The following PIK3R4 variants were observed in gnomAD, a reference collection of about 807,000 sequenced individuals.
PIK3R4 encodes phosphoinositide-3-kinase regulatory subunit 4.
In PIK3R4, 46 loss-of-function variants were observed where a neutral mutation model predicts 136.5. The ratio of observed to expected loss-of-function variants is 0.34; its 90% confidence interval spans 0.27 to 0.43. The LOEUF (loss-of-function observed/expected upper bound fraction) is 0.43, where lower values mean the gene tolerates loss of function less well. PIK3R4 is among the 20% of genes least tolerant of loss of function. PIK3R4 has a pLI of 1.00. For synonymous variants in PIK3R4, 557 were observed against 566.7 expected, an observed-to-expected ratio of 0.98 and a Z score of 0.24; for missense variants, 1,331 against 1,649.5, an observed-to-expected ratio of 0.81 and a Z score of 3.35.
At chr3:130,692,112 T>A (rs554663332) in intron 13 of PIK3R4, among the ~76,000 whole-genome samples, 1 of 151,992 alleles carries the variant, frequency 6.6e-6, no homozygotes, top group Non-Finnish European at 1.5e-5. Flanking sequence ...CCCAACCTAG[T>A]GATCCGCCTG....
intron 2 of PIK3R4, among the ~76,000 whole-genome samples, chr3:130,743,333 A>G (rs543875111): frequency 1.9e-4 from 29 of 152,240 alleles, no homozygotes; most frequent in African/African-American, 6.5e-4. Flanking sequence ...AGGCAAGAGG[A>G]TCATTGGAGT....
chr3:130,705,923 T>G (rs1267167048), intron 11 of PIK3R4, 152 bp from the exon 12 acceptor site: 1 of 510,736 alleles, frequency 2.0e-6, no homozygotes, highest in African/African-American at 2.0e-5. Context: ...AATTACATTT[T>G]TTAGTGAAAA....
At chr3:130,698,921 A>G (rs149216034) in intron 13 of PIK3R4, among the ~76,000 whole-genome samples, 1 of 152,326 alleles carries the variant, frequency 6.6e-6, no homozygotes, top group East Asian at 1.9e-4. Context: ...ATTTCTTTCA[A>G]TGCCTTGAAC....
intron 13 of PIK3R4, among the ~76,000 whole-genome samples, chr3:130,697,365 G>A (rs146804405): frequency 1.1e-4 from 17 of 152,218 alleles, no homozygotes; most frequent in African/African-American, 3.1e-4. Flanking sequence ...GAGCCACTGC[G>A]CATGGCCTAG....
At chr3:130,686,791 A>G (rs1424000650) in intron 14 of PIK3R4, among the ~76,000 whole-genome samples, 1 of 152,238 alleles carries the variant, frequency 6.6e-6, no homozygotes, top group African/African-American at 2.4e-5. Context: ...CCAGGATAAT[A>G]CAGGGCAATA....
In PIK3R4 at chr3:130,705,643, T is replaced by C. The variant is rs2066602501; in HGVS notation, c.2850A>G (p.Gln950=). ...CKTELQQLIQ[Q]KREQCNAERI... ...TCTCAGCATTGCACTGCTCCCGCTTTTGCTGGATGAGTTGCTGAAGTTCAG... is the reference window on the plus strand; with the variant it reads ...TCTCAGCATTGCACTGCTCCCGCTTCTGCTGGATGAGTTGCTGAAGTTCAG... The change falls in exon 12 of 20, where the codon CAA becomes CAG. Residue 950 remains glutamine, a synonymous_variant. Coordinates refer to ENST00000356763, the MANE Select transcript of PIK3R4 (RefSeq NM_014602.3). The C allele has an allele frequency of 2.5e-6, 4 of 1,613,702 alleles. No homozygotes were observed. Among genetic ancestry groups the C allele is most frequent in the Admixed American group, 3.3e-5 (2 of 59,996 alleles).
At chr3:130,718,079 C>G (rs1032521594) in intron 8 of PIK3R4, among the ~76,000 whole-genome samples, 14 of 152,102 alleles carry the variant, frequency 9.2e-5, no homozygotes, top group African/African-American at 2.9e-4. Flanking sequence ...AGAGGGCCAT[C>G]AATATACATT....
intron 2 of PIK3R4, among the ~76,000 whole-genome samples, chr3:130,739,201 C>T (rs143561226): frequency 2.0e-5 from 3 of 152,292 alleles, no homozygotes; most frequent in East Asian, 3.9e-4. Context: ...CTCAGCCTCC[C>T]GAGTAGCTGG....
chr3:130,694,783 A>C (rs968739871), intron 13 of PIK3R4, among the ~76,000 whole-genome samples: 1 of 152,088 alleles, frequency 6.6e-6, no homozygotes, highest in Non-Finnish European at 1.5e-5. Flanking sequence ...TCTTCTTCTT[A>C]CCCAAATGTC....
At chr3:130,732,532 A>C (rs1219409951) in intron 4 of PIK3R4, among the ~76,000 whole-genome samples, 1 of 152,188 alleles carries the variant, frequency 6.6e-6, no homozygotes, top group Non-Finnish European at 1.5e-5. Context: ...ATAAATGATA[A>C]ACTTTGATGT....
Position 130,680,635 on chromosome 3 carries a change from A to G in PIK3R4, c.3884T>C (p.Ile1295Thr). 6.2e-7 allele frequency: 1 copy of G among 1,607,162 alleles called. No individual in the cohort carries two copies. Among genetic ancestry groups the G allele is most frequent in the Non-Finnish European group, 8.5e-7 (1 of 1,174,016 alleles). The change falls in exon 19 of 20, where the codon ATT becomes ACT. Residue 1295 changes from isoleucine (I) to threonine (T), a missense_variant. Physicochemically the swap from Ile to Thr is moderately conservative, Grantham distance 89. This residue lies in a region of PIK3R4 where 1,180 missense variants were observed against 1,407.0 expected (regional missense o/e 0.84). Transcript: ENST00000356763. ...TACCTGGACAACTTCAGTGCCTTCA[A>G]TTATTTTCCTGTAGTAGGACACAGA... ...SPSVSYYRKI[I>T]EGTEVVQEIQ...
At chr3:130,703,178 A>G (rs997627910) in intron 13 of PIK3R4, among the ~76,000 whole-genome samples, 9 of 152,144 alleles carry the variant, frequency 5.9e-5, no homozygotes, top group African/African-American at 1.9e-4. Flanking sequence ...AGTCAAGGTC[A>G]AAGTCCTTTA....
chr3:130,688,004 A>G (rs577053556), intron 14 of PIK3R4, among the ~76,000 whole-genome samples: 53 of 152,330 alleles, frequency 3.5e-4, no homozygotes, highest in African/African-American at 1.2e-3. Context: ...GCTAAAAGAT[A>G]TATTATGTAT....
At chr3:130,730,511 C>A in intron 4 of PIK3R4, 69 bp from the exon 5 acceptor site, 1 of 1,139,308 alleles carries the variant, frequency 8.8e-7, no homozygotes, top group East Asian at 2.7e-5. Flanking sequence ...TTAACTTTTC[C>A]TCCCTGTCTT....
intron 9 of PIK3R4, among the ~76,000 whole-genome samples, 200 bp from the exon 10 acceptor site, chr3:130,708,692 CTATTAGGGCACTTTGTAATTTG>C (rs899311641): frequency 5.3e-5 from 8 of 152,090 alleles, no homozygotes; most frequent in Non-Finnish European, 1.0e-4. Flanking sequence ...CCAGAACACT[CTATTAGGGCACTTTGTAATTTG>C]TATCATGATT....
intron 9 of PIK3R4, among the ~76,000 whole-genome samples, chr3:130,714,865 G>A (rs1298851317): frequency 6.6e-6 from 1 of 152,070 alleles, no homozygotes; most frequent in Non-Finnish European, 1.5e-5. Context: ...CATTTGGGTT[G>A]GTTCCATGTC....
At chr3:130,722,785 G>A (rs1302867380) in intron 7 of PIK3R4, among the ~76,000 whole-genome samples, 3 of 151,346 alleles carry the variant, frequency 2.0e-5, no homozygotes, top group Non-Finnish European at 4.4e-5. Flanking sequence ...GGCCAGGAGC[G>A]GTGGCTCGTG....
chr3:130,696,782 C>T (rs888092183), intron 13 of PIK3R4, among the ~76,000 whole-genome samples: 12 of 152,098 alleles, frequency 7.9e-5, no homozygotes, highest in African/African-American at 2.9e-4. Flanking sequence ...TAGTGTTGCT[C>T]ACATTTTCTA....
In PIK3R4 at chr3:130,705,691, C is replaced by A; in HGVS notation, c.2802G>T (p.Gln934His). The A allele has an allele frequency of 3.7e-6, 6 of 1,612,290 alleles. No individual in the cohort carries two copies. Among genetic ancestry groups the A allele is most frequent in the Non-Finnish European group, 5.1e-6 (6 of 1,178,384 alleles). The change falls in exon 12 of 20, where the codon CAG becomes CAT. Residue 934 changes from glutamine to histidine, a missense_variant. Physicochemically the swap from Gln to His is conservative, Grantham distance 24. This residue lies in a region of PIK3R4 where 1,180 missense variants were observed against 1,407.0 expected (regional missense o/e 0.84). Coordinates refer to ENST00000356763, the MANE Select transcript of PIK3R4 (RefSeq NM_014602.3). ...LSSTILPSTYQIRITTCKTEL... is the reference protein window; with the variant it reads ...LSSTILPSTYHIRITTCKTEL... Reference sequence around the variant, plus strand: ...CAGTTTTACAAGTTGTAATTCGAATCTGATAGGTGGATGGTAAGATTGTAC... The same window carrying A: ...CAGTTTTACAAGTTGTAATTCGAATATGATAGGTGGATGGTAAGATTGTAC...
Sources: allele counts gnomAD v4.1 joint callset (sites outside exome capture counted in the v4.1 genomes callset), GRCh38; gene constraint gnomAD v4.1.1; regional missense constraint gnomAD v4.1.1; transcripts MANE v1.5; gene names NCBI Gene and HGNC (gene_info 2026-07-23, HGNC 2026-07-21).